TGFBR3: variants seen among roughly 807,000 people sequenced by gnomAD.
TGFBR3 encodes transforming growth factor beta receptor 3.
TGFBR3 carries 46 observed loss-of-function variants against 87.9 expected under a neutral mutation model. That is an observed-to-expected ratio of 0.52 (90% CI 0.41 to 0.67). The LOEUF (loss-of-function observed/expected upper bound fraction) is 0.67. Ranked by LOEUF, TGFBR3 falls within the 30% of genes least tolerant of loss-of-function variation. TGFBR3 has a pLI of 0.00. For synonymous variants in TGFBR3, 381 were observed against 391.6 expected (o/e 0.97, Z 0.32); for missense variants, 866 against 1,041.9 (o/e 0.83, Z 2.32).
intron 2 of TGFBR3, among the ~76,000 whole-genome samples, chr1:91,854,683 T>C (rs1038504741): frequency 6.6e-6 from 1 of 152,228 alleles, no homozygotes; most frequent in Non-Finnish European, 1.5e-5. Context: ...AATGTAGACA[T>C]GTATAAAAAC....
At chr1:91,775,977 G>A (rs952732434) in intron 3 of TGFBR3, among the ~76,000 whole-genome samples, 1 of 152,222 alleles carries the variant, frequency 6.6e-6, no homozygotes, top group Admixed American at 6.5e-5. Flanking sequence ...AATCCAGTAA[G>A]AGAATTGTTT....
chr1:91,747,663 A>G (rs1673390732), intron 4 of TGFBR3, among the ~76,000 whole-genome samples: 1 of 151,512 alleles, frequency 6.6e-6, no homozygotes, highest in Non-Finnish European at 1.5e-5. Context: ...GCAATCAAAC[A>G]CTCATCTACA....
At chr1:91,839,459 G>C (rs1266549536) in intron 2 of TGFBR3, among the ~76,000 whole-genome samples, 2 of 152,126 alleles carry the variant, frequency 1.3e-5, no homozygotes, top group Non-Finnish European at 2.9e-5. Flanking sequence ...ATTTCAAAGT[G>C]AAAAATAGTA....
Position 91,727,682 on chromosome 1 carries a change from C to G in TGFBR3, c.862G>C (p.Val288Leu). ...SVNWVIKSFD[V>L]KGSLKIIAPN... ...ACAATAATTTTCAGGCTTCCCTTAA[C>G]ATCAAAAGATTTGATCACCCAGTTG... The change falls in exon 7 of 17, where the codon GTT (valine) becomes CTT (leucine). Residue 288 changes from valine to leucine, a missense_variant. By Grantham distance (32) the Val-to-Leu change is conservative (BLOSUM62 1). Coordinates refer to ENST00000212355, the MANE Select transcript of TGFBR3 (RefSeq NM_003243.5). 1 of 1,614,150 alleles carries G rather than the reference C, an allele frequency of 6.2e-7. No individual in the cohort carries two copies. The highest frequency in any genetic ancestry group is 8.5e-7 in the Non-Finnish European group (1 of 1,180,008).
chr1:91,689,877 C>G (rs1671213255), intron 16 of TGFBR3, among the ~76,000 whole-genome samples: 1 of 141,624 alleles, frequency 7.1e-6, no homozygotes, highest in African/African-American at 2.6e-5. Context: ...AAGGGTACGA[C>G]TTTGCATAGA....
At chr1:91,836,667 A>C (rs1372210407) in intron 2 of TGFBR3, among the ~76,000 whole-genome samples, 1 of 152,050 alleles carries the variant, frequency 6.6e-6, no homozygotes, top group African/African-American at 2.4e-5. Context: ...TTTCTATTGT[A>C]TTTATAATAT....
chr1:91,828,100 G>A (rs1571550579), intron 2 of TGFBR3, among the ~76,000 whole-genome samples: 2 of 152,172 alleles, frequency 1.3e-5, no homozygotes, highest in South Asian at 4.1e-4. Flanking sequence ...AGCCTGACAG[G>A]ATCAGAACTG....
chr1:91,889,134 C>T (rs1048943164), upstream of TGFBR3, among the ~76,000 whole-genome samples: 5 of 152,200 alleles, frequency 3.3e-5, no homozygotes, highest in African/African-American at 1.2e-4. Context: ...ATCCACCCGC[C>T]TTGGCCTCCC....
chr1:91,757,957 C>T (rs954665967), intron 4 of TGFBR3, among the ~76,000 whole-genome samples: 1 of 152,220 alleles, frequency 6.6e-6, no homozygotes, highest in Non-Finnish European at 1.5e-5. Context: ...AGTTGCAGTG[C>T]TGCTCATCAT....
intron 2 of TGFBR3, among the ~76,000 whole-genome samples, chr1:91,820,370 T>C (rs888203790): frequency 6.6e-6 from 1 of 152,180 alleles, no homozygotes; most frequent in African/African-American, 2.4e-5. Context: ...ACTGCCACAG[T>C]ATTTATAATA....
Position 91,716,696 on chromosome 1 carries a change from C to T in TGFBR3, c.1579G>A (p.Val527Ile). 2 of 1,614,082 alleles carry T rather than the reference C, an allele frequency of 1.2e-6. No homozygotes were observed. The highest frequency in any genetic ancestry group is 1.7e-6 in the Non-Finnish European group (2 of 1,180,004). Residue 527 changes from valine to isoleucine, a missense_variant, in exon 11 of 17, where the codon GTT (valine) becomes ATT (isoleucine). Physicochemically the swap from Val to Ile is conservative, Grantham distance 29. Coordinates refer to ENST00000212355, the MANE Select transcript of TGFBR3 (RefSeq NM_003243.5). ...VVYYNSIVIQ[V>I]PALGDSSGWP... is the part of the protein sequence containing the mutation. Reference sequence around the variant, plus strand: ...CCACTACTGTCCCCAAGGGCTGGAACCTGTATCACAATCTAAAAGGCAAAG... The same window carrying T: ...CCACTACTGTCCCCAAGGGCTGGAATCTGTATCACAATCTAAAAGGCAAAG...
chr1:91,737,570 CA>C (rs1304885684), intron 4 of TGFBR3, among the ~76,000 whole-genome samples: 6 of 152,082 alleles, frequency 3.9e-5, no homozygotes, highest in African/African-American at 1.4e-4. Context: ...CACTAGCTCC[CA>C]AGACAGCAGA....
At chr1:91,741,367 G>A (rs1296952445) in intron 4 of TGFBR3, among the ~76,000 whole-genome samples, 2 of 152,104 alleles carry the variant, frequency 1.3e-5, no homozygotes, top group African/African-American at 2.4e-5. Context: ...GAGCTTCTGT[G>A]CCCTCTCGGA....
intron 1 of TGFBR3, among the ~76,000 whole-genome samples, chr1:91,868,811 C>T (rs1413353523): frequency 6.6e-6 from 1 of 152,222 alleles, no homozygotes; most frequent in Non-Finnish European, 1.5e-5. Context: ...TAGTGAAACG[C>T]TGTCTCTACA....
At chr1:91,833,460 CAAAAAAA>C (rs33936360) in intron 2 of TGFBR3, among the ~76,000 whole-genome samples, 108 of 37,150 alleles carry the variant, frequency 2.9e-3, no homozygotes, top group African/African-American at 0.011. Flanking sequence ...AGCTCTGTCT[CAAAAAAA>C]AAAAAAAAAA....
intron 2 of TGFBR3, among the ~76,000 whole-genome samples, chr1:91,838,458 C>CTTT (rs539093148): frequency 1.6e-5 from 2 of 125,274 alleles, no homozygotes; most frequent in Non-Finnish European, 3.3e-5. Flanking sequence ...TTGGAAATCT[C>CTTT]TTTTTTTTTT....
At chr1:91,890,409 CTTTT>C (rs1175619952), upstream of TGFBR3, among the ~76,000 whole-genome samples, 3 of 60,386 alleles carry the variant, frequency 5.0e-5, no homozygotes, top group African/African-American at 1.4e-4. Flanking sequence ...TCTCTATAAT[CTTTT>C]TTTTTTTTTT....
chr1:91,816,739 A>G (rs1676241476), intron 2 of TGFBR3, among the ~76,000 whole-genome samples: 1 of 152,248 alleles, frequency 6.6e-6, no homozygotes, highest in South Asian at 2.1e-4. Context: ...CAGTAAAGTT[A>G]TATTTTGCAC....
intron 3 of TGFBR3, among the ~76,000 whole-genome samples, chr1:91,762,214 GA>G (rs568630248): frequency 1.7e-3 from 259 of 152,272 alleles, no homozygotes; most frequent in Non-Finnish European, 2.8e-3. Context: ...GAACATTTGA[GA>G]ACTGAATGCA....
Sources: allele counts gnomAD v4.1 joint callset (sites outside exome capture counted in the v4.1 genomes callset), GRCh38; gene constraint gnomAD v4.1.1; transcripts MANE v1.5; gene names NCBI Gene and HGNC (gene_info 2026-07-23, HGNC 2026-07-21).